Variants in PAPLN observed in about 807,000 individuals in gnomAD.
The protein encoded by PAPLN is papilin.
A neutral mutation model predicts 159.0 loss-of-function variants in PAPLN; 146 were observed. The observed-to-expected ratio is 0.92, with a 90% CI of 0.80 to 1.05. The LOEUF is 1.05. Among genes scored for constraint, PAPLN ranks in the 50% least tolerant of loss-of-function variants. The pLI is 0.00. For synonymous variants in PAPLN, 734 were observed against 702.9 expected, an observed-to-expected ratio of 1.04 and a Z score of -0.70; for missense variants, 1,720 against 1,743.9, an observed-to-expected ratio of 0.99 and a Z score of 0.24.
chr14:73,247,241 TGAGGAGGGTATAAGTCATTAATTTTTA>T (rs1884507256), intron 5 of PAPLN, among the ~76,000 whole-genome samples: 2 of 152,174 alleles, frequency 1.3e-5, no homozygotes, highest in Non-Finnish European at 2.9e-5. Context: ...TGTGCACCTC[TGAGGAGGGTATAAGTCATTAATTTTTA>T]GAGAAATACA....
At position 73,262,723 on chromosome 14, in the gene PAPLN, G is replaced by A; in HGVS notation, c.2619G>A (p.Gln873=). 1 of 1,510,410 alleles carries A rather than the reference G, an allele frequency of 6.6e-7. No homozygotes were observed. Among genetic ancestry groups the A allele is most frequent in the South Asian group, 1.4e-5 (1 of 72,972 alleles). 93.6% of individuals were successfully genotyped at this position (1,510,410 alleles called of 1,614,324 possible). ...QPGPGEAPHT[Q]AFGEWPWGQE... ...GGCCAGGGGAGGCCCCCCACACCCA[G>A]GCCTTTGGAGAATGGCCATGGGGGC... Residue 873 remains glutamine, a synonymous_variant, in exon 19 of 27, where the codon CAG becomes CAA. Coordinates refer to ENST00000644200, the MANE Select transcript of PAPLN (RefSeq NM_001365906.3).
upstream of PAPLN, chr14:73,237,494 C>A (rs1413746379): frequency 6.6e-6 from 1 of 152,354 alleles, no homozygotes; most frequent in East Asian, 1.9e-4. Context: ...CCCACCCCTG[C>A]GGGCGTTCCT....
intron 5 of PAPLN, among the ~76,000 whole-genome samples, chr14:73,247,141 G>GC (rs1390983362): frequency 5.9e-5 from 9 of 152,170 alleles, no homozygotes; most frequent in Admixed American, 5.2e-4. Flanking sequence ...TAGCAATGGT[G>GC]CCCCACGGTC....
chr14:73,249,762 T>C, intron 5 of PAPLN: 1 of 321,654 alleles, frequency 3.1e-6, no homozygotes, highest in East Asian at 5.8e-5. Context: ...AGTGTTTCAC[T>C]TTTTCCTGAT....
At chr14:73,261,748 A>G (rs1886611167) in intron 18 of PAPLN, among the ~76,000 whole-genome samples, 1 of 152,172 alleles carries the variant, frequency 6.6e-6, no homozygotes, top group African/African-American at 2.4e-5. Context: ...GCTGCTGGGA[A>G]CCATCACGAG....
rs1173704081 is a variant in PAPLN, at chr14:73,248,102, T to TGCGC, written c.335-1881_335-1880insCGCG. ...GTGTGTGTGTGTGTGTGTGTGTGTG[T>TGCGC]GTGTGCGCGTGTGTGTGTTGTGGGG... On this transcript the variant is annotated intron_variant, in intron 5 of 26. Coordinates refer to ENST00000644200, the MANE Select transcript of PAPLN (RefSeq NM_001365906.3). Among the ~76,000 whole-genome samples, 8 of 108,600 alleles carry TGCGC rather than the reference T, an allele frequency of 7.4e-5. 1 individual carries two copies. The East Asian group carries it at 3.1e-3, about 41-fold the overall frequency. The allele number at this position is 108,600 out of a possible 152,430, so 71.2% of individuals were successfully genotyped here.
intron 5 of PAPLN, among the ~76,000 whole-genome samples, chr14:73,249,149 A>G (rs177396): frequency 0.032 from 4,875 of 152,142 alleles, 233 homozygotes; most frequent in African/African-American, 0.091. Context: ...TAAAACCAGA[A>G]AAAAGTTATC....
In PAPLN at chr14:73,261,137, TC is replaced by T; in HGVS notation, c.2107-18del. ...GCCAGATCCACTGCCCACTTCCCAA[TC>T]ATGGGTTTCCTCCCCAGGTCCACAA... On this transcript the variant is annotated intron_variant, in intron 17 of 26. Coordinates refer to ENST00000644200, the MANE Select transcript of PAPLN (RefSeq NM_001365906.3). 1.9e-6 allele frequency: 3 copies of T among 1,613,930 alleles called. No individual in the cohort carries two copies. Among genetic ancestry groups the T allele is most frequent in the Non-Finnish European group, 2.5e-6 (3 of 1,179,994 alleles).
intron 2 of PAPLN, chr14:73,242,776 A>G (rs1883722984): frequency 6.6e-6 from 1 of 152,104 alleles, no homozygotes; most frequent in Admixed American, 6.5e-5. Flanking sequence ...GAAAGCTAAG[A>G]CCTCTCATCT....
intron 2 of PAPLN, chr14:73,243,875 T>C (rs1827220656): frequency 6.6e-6 from 1 of 152,272 alleles, no homozygotes; most frequent in African/African-American, 2.4e-5. Flanking sequence ...AGTCCCTCTA[T>C]CTTTGCTTCA....
intron 16 of PAPLN, among the ~76,000 whole-genome samples, chr14:73,260,087 G>A (rs1194916017): frequency 4.6e-5 from 7 of 152,190 alleles, no homozygotes; most frequent in Non-Finnish European, 1.0e-4. Flanking sequence ...GTAGCCTGGG[G>A]GCAGTTCCCA....
intron 1 of PAPLN, among the ~76,000 whole-genome samples, 171 bp downstream of exon 1, chr14:73,237,763 G>T (rs756643599): frequency 1.3e-5 from 2 of 152,164 alleles, no homozygotes; most frequent in African/African-American, 4.8e-5. Context: ...TGGGCGCAGG[G>T]TCATCGCTCG....
Position 73,252,766 on chromosome 14 carries a change from A to G in PAPLN, c.1085A>G (p.Glu362Gly). The change falls in exon 11 of 27, where the codon GAG (glutamate) becomes GGG (glycine). Residue 362 changes from glutamate to glycine, a missense_variant. By Grantham distance (98) the Glu-to-Gly change is moderately conservative (BLOSUM62 -2). Transcript: ENST00000644200. ...RRSCNLHPCPETKRWKAGPWA... is the reference protein window; with the variant it reads ...RRSCNLHPCPGTKRWKAGPWA... Reference sequence around the variant, plus strand: ...TCCTGCAATCTTCACCCTTGCCCGGAGACCAAGCGGTGAGACCTTGCCAGC... The same window carrying G: ...TCCTGCAATCTTCACCCTTGCCCGGGGACCAAGCGGTGAGACCTTGCCAGC... 6.2e-7 allele frequency: 1 copy of G among 1,613,444 alleles called. No homozygotes were observed. Among genetic ancestry groups the G allele is most frequent in the Non-Finnish European group, 8.5e-7 (1 of 1,179,988 alleles).
intron 10 of PAPLN, 94 bp from the exon 11 acceptor site, chr14:73,252,555 C>T: frequency 6.7e-7 from 1 of 1,490,300 alleles, no homozygotes; most frequent in South Asian, 1.3e-5. Flanking sequence ...ATGGGGATGA[C>T]CTGTGGGGTG....
rs1452864565 is a variant in PAPLN at position 73,250,015 on chromosome 14, C to T, written c.366C>T (p.Pro122=). The change falls in exon 6 of 27, where the codon CCC becomes CCT. Residue 122 remains proline (P), a synonymous_variant. Coordinates refer to ENST00000644200, the MANE Select transcript of PAPLN (RefSeq NM_001365906.3). ...ACAAGTGTGAACTGAACTGCATTCC[C>T]AAGGGGGAGAACTTCTACTACAAGC... is the stretch of plus-strand genomic sequence containing the variant. ...APNKCELNCI[P]KGENFYYKHR... The T allele has an allele frequency of 6.2e-7, 1 of 1,612,208 alleles. No individual in the cohort carries two copies. The highest frequency in any genetic ancestry group is 1.7e-5 in the Admixed American group (1 of 59,748).
chr14:73,263,183 A>G (rs1295653970), intron 19 of PAPLN: 1 of 320,862 alleles, frequency 3.1e-6, no homozygotes, highest in African/African-American at 2.1e-5. Flanking sequence ...TGACCTGTAA[A>G]ATGGTGGCAT....
At chr14:73,270,031 A>T (rs1887566829) in intron 26 of PAPLN, among the ~76,000 whole-genome samples, 1 of 152,238 alleles carries the variant, frequency 6.6e-6, no homozygotes, top group Non-Finnish European at 1.5e-5. Flanking sequence ...GCTTGGCATC[A>T]CTAGGTGCTC....
intron 14 of PAPLN, among the ~76,000 whole-genome samples, chr14:73,257,059 C>T (rs1015496009): frequency 8.5e-5 from 13 of 152,144 alleles, no homozygotes; most frequent in East Asian, 7.7e-4. Context: ...GCAGCCTCCA[C>T]GTTCTGGGCT....
rs561758854 is a variant in PAPLN, at chr14:73,274,362, C to G, written c.*1698C>G. The G allele has an allele frequency of 6.6e-6, 1 of 152,258 alleles. No individual in the cohort carries two copies. Among genetic ancestry groups the G allele is most frequent in the South Asian group, 2.1e-4 (1 of 4,818 alleles). The allele number at this position is 152,258 out of a possible 1,614,324, so 9.4% of individuals were successfully genotyped here. A position where few individuals can be genotyped will look rare whatever the true frequency, so the allele number is the denominator to read the frequency against. ...GACTGCCTAGTAGCAAAGGTTATTC[C>G]TGGACACAGGAAAGACGGGCATTAC... is the stretch of plus-strand genomic sequence containing the variant. On this transcript the variant is annotated 3_prime_UTR_variant, in exon 27 of 27. Coordinates refer to ENST00000644200, the MANE Select transcript of PAPLN (RefSeq NM_001365906.3).
Sources: gnomAD v4.1 joint callset for allele counts (sites outside exome capture counted in the v4.1 genomes callset) on GRCh38, gnomAD v4.1.1 for gene constraint, MANE v1.5 for transcripts, NCBI Gene and HGNC (gene_info 2026-07-23, HGNC 2026-07-21) for gene names.